The following NKAIN2 variants were observed in gnomAD, a reference collection of about 807,000 sequenced individuals.
NKAIN2 encodes sodium/potassium-transporting ATPase subunit beta-1-interacting protein 2.
Under a neutral mutation model 32.6 loss-of-function variants are expected in NKAIN2, and 14 were observed. That is an observed-to-expected ratio of 0.43 (90% CI 0.28 to 0.67). The LOEUF is 0.67. Ranked by LOEUF, NKAIN2 falls within the 30% of genes least tolerant of loss-of-function variation. The pLI is 0.17. For missense variants in NKAIN2, 198 were observed against 258.3 expected, an observed-to-expected ratio of 0.77 and a Z score of 1.60; for synonymous variants, 80 against 87.2, an observed-to-expected ratio of 0.92 and a Z score of 0.46.
At chr6:123,814,320 G>A (rs573417174) in intron 1 of NKAIN2, among the ~76,000 whole-genome samples, 22 of 152,244 alleles carry the variant, frequency 1.4e-4, no homozygotes, top group African/African-American at 4.3e-4. Flanking sequence ...TATCAAAAGC[G>A]TTCTTGGGAA....
chr6:124,579,079 T>C (rs1781434554), intron 3 of NKAIN2, among the ~76,000 whole-genome samples: 1 of 152,152 alleles, frequency 6.6e-6, no homozygotes, highest in Non-Finnish European at 1.5e-5. Flanking sequence ...GATCAAAAAC[T>C]TAGATTACAA....
In NKAIN2 at chr6:124,174,654, A is replaced by C. The variant is rs375914137; in HGVS notation, c.55-108351A>C. On this transcript the variant is annotated intron_variant, in intron 1 of 6. Coordinates refer to ENST00000368417, the MANE Select transcript of NKAIN2 (RefSeq NM_001040214.3). ...TTTCAACTAGGGAATGGTCAAAGAGAGTGAGGGCAGGATTGCATCAAGAGA... is the reference window on the plus strand; with the variant it reads ...TTTCAACTAGGGAATGGTCAAAGAGCGTGAGGGCAGGATTGCATCAAGAGA... Among the ~76,000 whole-genome samples the C allele has an allele frequency of 3.3e-5, 5 of 152,168 alleles. No individual in the cohort carries two copies. In the East Asian group the frequency reaches 9.7e-4, roughly 30 times the overall value.
chr6:123,881,635 A>G (rs890749945), intron 1 of NKAIN2, among the ~76,000 whole-genome samples: 1 of 152,160 alleles, frequency 6.6e-6, no homozygotes, highest in Non-Finnish European at 1.5e-5. Flanking sequence ...GTTTATGCCC[A>G]TTTTAAAATG....
intron 3 of NKAIN2, among the ~76,000 whole-genome samples, chr6:124,453,382 A>G (rs1051709993): frequency 8.5e-5 from 12 of 140,978 alleles, no homozygotes; most frequent in Admixed American, 1.4e-4. Flanking sequence ...TCTGAGGTCA[A>G]TCAGGAGGCT....
intron 5 of NKAIN2, among the ~76,000 whole-genome samples, chr6:124,817,253 T>C (rs1781205991): frequency 6.6e-6 from 1 of 152,208 alleles, no homozygotes; most frequent in African/African-American, 2.4e-5. Flanking sequence ...ATTTTTTTTT[T>C]TGGCTCACCA....
At chr6:124,034,903 C>T (rs1781545554) in intron 1 of NKAIN2, among the ~76,000 whole-genome samples, 2 of 151,860 alleles carry the variant, frequency 1.3e-5, no homozygotes, top group African/African-American at 4.8e-5. Context: ...GATTTTTGGC[C>T]ACTTGTCTGT....
chr6:124,195,754 A>G (rs1790283293), intron 1 of NKAIN2, among the ~76,000 whole-genome samples: 1 of 152,104 alleles, frequency 6.6e-6, no homozygotes, highest in African/African-American at 2.4e-5. Context: ...TGAGTTTATA[A>G]GTTAATTGCT....
At chr6:124,021,772 A>T (rs1324305032) in intron 1 of NKAIN2, among the ~76,000 whole-genome samples, 4 of 152,096 alleles carry the variant, frequency 2.6e-5, no homozygotes, top group Non-Finnish European at 5.9e-5. Context: ...GGGGCAATTT[A>T]TTAAAAAATT....
intron 3 of NKAIN2, among the ~76,000 whole-genome samples, chr6:124,436,225 T>C (rs759338827): frequency 3.3e-5 from 5 of 152,164 alleles, no homozygotes; most frequent in Non-Finnish European, 5.9e-5. Context: ...CAAAATGTTA[T>C]TCATTAAAAC....
chr6:123,955,196 C>CAAAAAAAAAAAAAA (rs5879708), intron 1 of NKAIN2, among the ~76,000 whole-genome samples: 1 of 105,014 alleles, frequency 9.5e-6, no homozygotes, highest in Non-Finnish European at 2.1e-5. Context: ...ACAGAAAAAC[C>CAAAAAAAAAAAAAA]AAAAAAAAAA....
At chr6:124,251,050 A>G (rs1334163318) in intron 1 of NKAIN2, among the ~76,000 whole-genome samples, 3 of 152,054 alleles carry the variant, frequency 2.0e-5, no homozygotes, top group African/African-American at 7.2e-5. Context: ...GAAGAATTGA[A>G]TGGGGAATTT....
rs146010005 is a variant in NKAIN2, at chr6:124,374,748, A to G, written c.273+19401A>G. ...GTGCAAAGATGTTAAAACATTATTT[A>G]TACTGGGAAAATATAACAACCTAAC... On this transcript the variant is annotated intron_variant, in intron 3 of 6. Coordinates refer to ENST00000368417, the MANE Select transcript of NKAIN2 (RefSeq NM_001040214.3). Among the ~76,000 whole-genome samples the G allele has an allele frequency of 4.0e-3, 615 of 152,286 alleles. 7 individuals are homozygous for G. Among genetic ancestry groups the G allele is most frequent in the African/African-American group, 0.014 (592 of 41,568 alleles).
chr6:124,766,381 G>T (rs973307534), intron 4 of NKAIN2, among the ~76,000 whole-genome samples: 12 of 152,198 alleles, frequency 7.9e-5, no homozygotes, highest in Non-Finnish European at 1.3e-4. Context: ...TCCTCAGGGT[G>T]TGGCGCTCAG....
Position 124,177,772 on chromosome 6 carries a change from C to CT in NKAIN2, c.55-105233_55-105232insT, listed in dbSNP as rs1232024110. On this transcript the variant is annotated intron_variant, in intron 1 of 6. Coordinates refer to ENST00000368417, the MANE Select transcript of NKAIN2 (RefSeq NM_001040214.3). ...AGGCGCAACGGAGTTTCTGTTCATC[C>CT]ATTTTTTTTTTTTTTTTTTTTTTTT... Among the ~76,000 whole-genome samples the CT allele has an allele frequency of 2.5e-4, 7 of 27,702 alleles. 1 individual carries two copies. The highest frequency in any genetic ancestry group is 3.2e-4 in the Non-Finnish European group (4 of 12,416). 18.2% of individuals were successfully genotyped at this position (27,702 alleles called of 152,430 possible).
intron 1 of NKAIN2, among the ~76,000 whole-genome samples, chr6:124,148,210 T>G (rs1787517776): frequency 6.6e-6 from 1 of 152,142 alleles, no homozygotes; most frequent in South Asian, 2.1e-4. Context: ...GAGTTTGCAC[T>G]TTTGTGATTA....
chr6:124,277,724 T>C (rs73770384), intron 1 of NKAIN2, among the ~76,000 whole-genome samples: 1 of 151,966 alleles, frequency 6.6e-6, no homozygotes, highest in Admixed American at 6.6e-5. Context: ...GTTGAGTCAA[T>C]CTGAAAGCTC....
chr6:124,408,970 G>A (rs776757786), intron 3 of NKAIN2, among the ~76,000 whole-genome samples: 4 of 152,156 alleles, frequency 2.6e-5, no homozygotes, highest in Admixed American at 6.5e-5. Context: ...TTGTGAATGG[G>A]AGTTCACTCA....
At chr6:123,896,202 G>A (rs1410546482) in intron 1 of NKAIN2, among the ~76,000 whole-genome samples, 6 of 152,232 alleles carry the variant, frequency 3.9e-5, no homozygotes, top group Non-Finnish European at 7.3e-5. Context: ...AATGCTTGCT[G>A]TATTGCAGAT....
intron 3 of NKAIN2, among the ~76,000 whole-genome samples, chr6:124,633,122 A>T (rs776893926): frequency 1.3e-5 from 2 of 152,188 alleles, no homozygotes; most frequent in Non-Finnish European, 2.9e-5. Context: ...GCAATGATTG[A>T]TAGGGTGACA....
Sources: gnomAD v4.1 joint callset for allele counts (sites outside exome capture counted in the v4.1 genomes callset) on GRCh38, gnomAD v4.1.1 for gene constraint, MANE v1.5 for transcripts, NCBI Gene and HGNC (gene_info 2026-07-23, HGNC 2026-07-21) for gene names.